Variants in MAP1B observed in about 807,000 individuals in gnomAD.
MAP1B encodes the protein microtubule-associated protein 1B.
In MAP1B, 12 loss-of-function variants were observed where a neutral mutation model predicts 176.1. That is an observed-to-expected ratio of 0.07 (90% CI 0.04 to 0.11). The LOEUF is 0.11. Among genes scored for constraint, MAP1B ranks in the 10% least tolerant of loss-of-function variants. The probability of loss-of-function intolerance (pLI) is 1.00; values close to 1 mark genes in which losing one functional copy is unlikely to be tolerated. For synonymous variants in MAP1B, 1,044 were observed against 1,135.0 expected (o/e 0.92, Z 1.61); for missense variants, 2,523 against 2,990.5 (o/e 0.84, Z 3.65).
chr5:72,123,815 GAGA>G (rs1326346084), intron 2 of MAP1B, among the ~76,000 whole-genome samples: 1 of 151,924 alleles, frequency 6.6e-6, no homozygotes, highest in Non-Finnish European at 1.5e-5. Context: ...TTATTTTGTA[GAGA>G]AGGAGTCTCA....
chr5:72,199,763 G>A lies in MAP1B; in HGVS notation c.6408G>A (p.Lys2136=). 1 of 1,614,166 alleles carries A rather than the reference G, an allele frequency of 6.2e-7. No individual in the cohort carries two copies. The highest frequency in any genetic ancestry group is 8.5e-7 in the Non-Finnish European group (1 of 1,180,032). The stretch of plus-strand genomic sequence containing the variant: ...GAGCCCCACCGCCTCCAGGAGGAAA[G>A]CAACAGGGCCGACAGTGTGATGAAA... ...SGGAPPPPGG[K]QQGRQCDETP... Residue 2136 remains lysine (K), a synonymous_variant, in exon 5 of 7, where the codon AAG becomes AAA. Transcript: ENST00000296755. This position sits in a 1 kb window ranked among gnomAD's most constrained non-coding sequence, Gnocchi z 4.2.
At position 72,198,945 on chromosome 5, in the gene MAP1B, A is replaced by G. The variant is rs748962832; in HGVS notation, c.5590A>G (p.Thr1864Ala). 4 of 1,614,176 alleles carry G rather than the reference A, an allele frequency of 2.5e-6. No individual in the cohort carries two copies. The highest frequency in any genetic ancestry group is 1.3e-5 in the African/African-American group (1 of 75,052). Reference sequence around the variant, plus strand: ...CCTGGAGAAGGACAGTGGAGGGAAGACACCTGGTGACTTTAGCTATGCCTA... The same window carrying G: ...CCTGGAGAAGGACAGTGGAGGGAAGGCACCTGGTGACTTTAGCTATGCCTA... ...PGLEKDSGGK[T>A]PGDFSYAYQK... The change falls in exon 5 of 7, where the codon ACA becomes GCA. Residue 1864 changes from threonine to alanine, a missense_variant. Physicochemically the swap from Thr to Ala is moderately conservative, Grantham distance 58. This residue lies in a region of MAP1B where 1,925 missense variants were observed against 2,126.0 expected (regional missense o/e 0.91). Coordinates refer to ENST00000296755, the MANE Select transcript of MAP1B (RefSeq NM_005909.5).
chr5:72,171,277 T>C (rs1188984634), intron 2 of MAP1B, among the ~76,000 whole-genome samples: 1 of 152,106 alleles, frequency 6.6e-6, no homozygotes, highest in African/African-American at 2.4e-5. Context: ...GCCAAGAGTT[T>C]AAAGAAAAGG....
At chr5:72,144,699 G>A (rs75907846) in intron 2 of MAP1B, among the ~76,000 whole-genome samples, 1,886 of 152,244 alleles carry the variant, frequency 0.012, 40 homozygotes, top group African/African-American at 0.043. Context: ...CCAGGCCCAC[G>A]CTGAATTTCT....
At position 72,196,294 on chromosome 5, in the gene MAP1B, C is replaced by T. The variant is rs145046602; in HGVS notation, c.2939C>T (p.Ala980Val). ...ACTGAGGATGAGGAAAGTGCCAAGG[C>T]GGAGGCTGATGCATACATCAGGGAG... ...SPTEDEESAK[A>V]EADAYIREKR... Residue 980 changes from alanine to valine, a missense_variant, in exon 5 of 7, where the codon GCG (alanine) becomes GTG (valine). Around this residue, in one of 4 missense-constraint regions of MAP1B, gnomAD observed 1,925 missense variants for 2,126.0 expected, o/e 0.91. Coordinates refer to ENST00000296755, the MANE Select transcript of MAP1B (RefSeq NM_005909.5). This position sits in a 1 kb window ranked among gnomAD's most constrained non-coding sequence, Gnocchi z 5.3. 28 of 1,613,884 alleles carry T rather than the reference C, an allele frequency of 1.7e-5. No homozygotes were observed. The East Asian group carries it at 4.0e-4, about 23-fold the overall frequency.
chr5:72,139,669 G>A (rs555342247), intron 2 of MAP1B, among the ~76,000 whole-genome samples: 1 of 152,296 alleles, frequency 6.6e-6, no homozygotes, highest in South Asian at 2.1e-4. Flanking sequence ...AAGGCAGTTT[G>A]ATTCTCTTGT....
intron 2 of MAP1B, among the ~76,000 whole-genome samples, chr5:72,168,786 A>G (rs1217675796): frequency 6.6e-6 from 1 of 152,204 alleles, no homozygotes. Flanking sequence ...TTCTCAGGAG[A>G]GCTACGTCTG....
intron 2 of MAP1B, among the ~76,000 whole-genome samples, chr5:72,170,655 TG>T (rs1424997568): frequency 6.6e-6 from 1 of 152,026 alleles, no homozygotes. Flanking sequence ...CCTTGTTGCG[TG>T]GTCCTCTTTG....
chr5:72,181,907 G>A (rs1194156389), intron 2 of MAP1B, among the ~76,000 whole-genome samples: 1 of 151,682 alleles, frequency 6.6e-6, no homozygotes, highest in East Asian at 1.9e-4. Flanking sequence ...TGTATTTTTA[G>A]TAGAGACGGG....
chr5:72,136,394 C>T lies in MAP1B; in HGVS notation c.286+20595C>T, dbSNP rs112081413. Among the ~76,000 whole-genome samples, 132 of 152,288 alleles carry T rather than the reference C, an allele frequency of 8.7e-4. 4 individuals carry two copies. The highest frequency in any genetic ancestry group is 3.0e-3 in the African/African-American group (125 of 41,556). On this transcript the variant is annotated intron_variant, in intron 2 of 6. Coordinates refer to ENST00000296755, the MANE Select transcript of MAP1B (RefSeq NM_005909.5). ...ATTGCTGTCTGGAGATGGCCAGATACTCTTTTCCTGGGTGGCTCAAGGAGT... is the reference window on the plus strand; with the variant it reads ...ATTGCTGTCTGGAGATGGCCAGATATTCTTTTCCTGGGTGGCTCAAGGAGT...
At chr5:72,192,738 C>T (rs763323632) in intron 4 of MAP1B, among the ~76,000 whole-genome samples, 1 of 152,194 alleles carries the variant, frequency 6.6e-6, no homozygotes, top group Admixed American at 6.5e-5. Context: ...TCAGTCGAAA[C>T]TCTGAGCTGA....
chr5:72,193,888 C>T lies in MAP1B; in HGVS notation c.533C>T (p.Thr178Ile). The change falls in exon 5 of 7, where the codon ACC becomes ATC. Residue 178 changes from threonine (T) to isoleucine (I), a missense_variant. Physicochemically the swap from Thr to Ile is moderately conservative, Grantham distance 89 (BLOSUM62 -1). Transcript: ENST00000296755. ...CAGATCGGGGAGTTACTAAGCACCA[C>T]CCATCCTGCCAACAAAGCCAGCTTA... ...DQEIGELLST[T>I]HPANKASLTL... is the part of the protein sequence containing the mutation. The T allele has an allele frequency of 6.2e-7, 1 of 1,604,526 alleles. No homozygotes were observed. Among genetic ancestry groups the T allele is most frequent in the Non-Finnish European group, 8.5e-7 (1 of 1,176,254 alleles).
intron 2 of MAP1B, among the ~76,000 whole-genome samples, chr5:72,155,031 G>C (rs1412262707): frequency 1.3e-5 from 2 of 152,222 alleles, no homozygotes; most frequent in Non-Finnish European, 2.9e-5. Context: ...ATCCTGCGAA[G>C]GGAAGCCCAG....
At chr5:72,152,225 G>A (rs72779279) in intron 2 of MAP1B, among the ~76,000 whole-genome samples, 24,939 of 151,928 alleles carry the variant, frequency 0.16, 2,421 homozygotes, top group Middle Eastern at 0.26. Flanking sequence ...TTTTTTTTAC[G>A]TAAAAAGTAG....
At chr5:72,200,585 G>A (rs762066136) in intron 5 of MAP1B, among the ~76,000 whole-genome samples, 21 of 152,204 alleles carry the variant, frequency 1.4e-4, no homozygotes, top group Non-Finnish European at 2.9e-4. Flanking sequence ...CAAAGCAGCT[G>A]TGATTCATCA....
At chr5:72,124,811 G>A (rs1240557256) in intron 2 of MAP1B, among the ~76,000 whole-genome samples, 2 of 152,194 alleles carry the variant, frequency 1.3e-5, no homozygotes, top group Non-Finnish European at 2.9e-5. Flanking sequence ...GATAGTGCGA[G>A]GAAGGAACAG....
At chr5:72,170,991 G>A (rs1333132894) in intron 2 of MAP1B, among the ~76,000 whole-genome samples, 1 of 151,966 alleles carries the variant, frequency 6.6e-6, no homozygotes, top group Admixed American at 6.6e-5. Flanking sequence ...AATATATAGG[G>A]CTAGAATATC....
chr5:72,181,260 G>A (rs1379895567), intron 2 of MAP1B, among the ~76,000 whole-genome samples: 2 of 152,136 alleles, frequency 1.3e-5, no homozygotes, highest in African/African-American at 4.8e-5. Context: ...GTGGTTGGTG[G>A]TGAGTATTTC....
At position 72,178,298 on chromosome 5, in the gene MAP1B, T is replaced by G. The variant is rs907990459; in HGVS notation, c.287-5445T>G. Among the ~76,000 whole-genome samples the G allele has an allele frequency of 3.3e-5, 5 of 152,258 alleles. No homozygotes were observed. In the East Asian group the frequency reaches 9.6e-4, roughly 29 times the overall value. Reference sequence around the variant, plus strand: ...GATTACAGGCATGAGCCACCGTGCCTGGCCTGAAAAACAGACTTTAAAATC... The same window carrying G: ...GATTACAGGCATGAGCCACCGTGCCGGGCCTGAAAAACAGACTTTAAAATC... On this transcript the variant is annotated intron_variant, in intron 2 of 6. Coordinates refer to ENST00000296755, the MANE Select transcript of MAP1B (RefSeq NM_005909.5).
Sources: gnomAD v4.1 joint callset for allele counts (sites outside exome capture counted in the v4.1 genomes callset) on GRCh38, gnomAD v4.1.1 for gene constraint, gnomAD v4.1.1 regional missense constraint, Gnocchi (gnomAD v3.1) non-coding constraint, MANE v1.5 for transcripts, NCBI Gene and HGNC (gene_info 2026-07-23, HGNC 2026-07-21) for gene names.